The following LPP variants were observed in gnomAD, a reference collection of about 807,000 sequenced individuals.
LPP encodes the protein lipoma-preferred partner.
In LPP, 38 loss-of-function variants were observed where a neutral mutation model predicts 60.4. The observed-to-expected ratio is 0.63, with a 90% CI of 0.49 to 0.83. The LOEUF (loss-of-function observed/expected upper bound fraction) is 0.83. LPP is among the 40% of genes least tolerant of loss of function. The pLI is 0.00. For synonymous variants in LPP, 328 were observed against 290.8 expected (o/e 1.13, Z -1.30); for missense variants, 902 against 783.6 (o/e 1.15, Z -1.80).
intron 9 of LPP, among the ~76,000 whole-genome samples, chr3:188,805,145 A>ATGCATTGTGT (rs1748690690): frequency 6.6e-6 from 1 of 151,846 alleles, no homozygotes; most frequent in Admixed American, 6.6e-5. Context: ...GGTATACTAA[A>ATGCATTGTGT]CTGTGGTTTT....
At chr3:188,231,019 T>G (rs1279199854) in intron 2 of LPP, among the ~76,000 whole-genome samples, 2 of 152,154 alleles carry the variant, frequency 1.3e-5, no homozygotes, top group Non-Finnish European at 2.9e-5. Flanking sequence ...TTTCTTGCCG[T>G]GTAGGGCTCT....
chr3:188,404,238 A>G (rs911770170), intron 3 of LPP, among the ~76,000 whole-genome samples: 3 of 151,674 alleles, frequency 2.0e-5, no homozygotes, highest in Non-Finnish European at 4.4e-5. Flanking sequence ...AGGAAGACAG[A>G]GGTTTATATG....
chr3:188,669,261 A>C (rs76214536), intron 7 of LPP, among the ~76,000 whole-genome samples: 9,184 of 152,052 alleles, frequency 0.06, 902 homozygotes, highest in African/African-American at 0.21. Context: ...CAATGAGATA[A>C]CATCTCACAC....
chr3:188,453,198 G>A (rs890497251), intron 4 of LPP, among the ~76,000 whole-genome samples: 2 of 151,946 alleles, frequency 1.3e-5, no homozygotes, highest in African/African-American at 4.8e-5. Flanking sequence ...CCCCATCTTT[G>A]CCAACCCTGG....
intron 2 of LPP, among the ~76,000 whole-genome samples, chr3:188,297,339 A>G (rs1264524324): frequency 6.6e-6 from 1 of 152,224 alleles, no homozygotes. Flanking sequence ...CTTCCCTCCA[A>G]GATACTGTTT....
At chr3:188,621,951 C>G (rs949820211) in intron 7 of LPP, among the ~76,000 whole-genome samples, 3 of 152,138 alleles carry the variant, frequency 2.0e-5, no homozygotes, top group African/African-American at 7.2e-5. Context: ...GGGATTACAC[C>G]ACTATTTTTT....
Position 188,681,390 on chromosome 3 carries a change from A to G in LPP, c.1114-26877A>G, listed in dbSNP as rs555564363. Among the ~76,000 whole-genome samples the G allele has an allele frequency of 3.7e-4, 57 of 152,290 alleles. No individual in the cohort carries two copies. In the South Asian group the frequency reaches 4.3e-3, roughly 12 times the overall value. On this transcript the variant is annotated intron_variant, in intron 7 of 11. Coordinates refer to ENST00000617246, the MANE Select transcript of LPP (RefSeq NM_001375462.1). ...ACTCTGCCTGGGACAGTGGCTCAAC[A>G]TCTCCAGTCCCCTTTGAGTTACCTC...
At chr3:188,175,427 T>G (rs1221662869) in intron 1 of LPP, among the ~76,000 whole-genome samples, 1 of 152,166 alleles carries the variant, frequency 6.6e-6, no homozygotes, top group African/African-American at 2.4e-5. Flanking sequence ...ACATCTCCCA[T>G]GCTGGCACTG....
At chr3:188,506,861 A>G (rs9823488) in intron 5 of LPP, among the ~76,000 whole-genome samples, 142,016 of 151,578 alleles carry the variant, frequency 0.94, 66,687 homozygotes, top group East Asian at 1. Context: ...GCAGTGGCGC[A>G]ATCTCGGCTC....
intron 8 of LPP, among the ~76,000 whole-genome samples, chr3:188,755,805 G>T (rs2150395120): frequency 3.6e-5 from 2 of 55,284 alleles, no homozygotes; most frequent in Non-Finnish European, 6.1e-5. Flanking sequence ...GTGAGATCCT[G>T]TCACAAAAAA....
At chr3:188,262,086 T>G (rs968293890) in intron 2 of LPP, among the ~76,000 whole-genome samples, 2 of 152,222 alleles carry the variant, frequency 1.3e-5, no homozygotes, top group African/African-American at 4.8e-5. Context: ...ATGCATGGGA[T>G]TCGGCTCTCT....
chr3:188,353,499 A>C (rs984767482), intron 3 of LPP, among the ~76,000 whole-genome samples: 4 of 152,218 alleles, frequency 2.6e-5, no homozygotes, highest in Non-Finnish European at 5.9e-5. Context: ...GAAGAAAAAA[A>C]ATTCAATTGA....
At chr3:188,432,419 A>G (rs1192805103) in intron 4 of LPP, among the ~76,000 whole-genome samples, 3 of 152,200 alleles carry the variant, frequency 2.0e-5, no homozygotes, top group Non-Finnish European at 1.5e-5. Flanking sequence ...ACCCTCCCAG[A>G]AGGACTTCAT....
At position 188,487,860 on chromosome 3, in the gene LPP, C is replaced by T. The variant is rs191990503; in HGVS notation, c.306+3156C>T. Among the ~76,000 whole-genome samples, 5 of 152,196 alleles carry T rather than the reference C, an allele frequency of 3.3e-5. No individual in the cohort carries two copies. In the East Asian group the frequency reaches 9.7e-4, roughly 29 times the overall value. On this transcript the variant is annotated intron_variant, in intron 5 of 11. Transcript: ENST00000617246. ...TTATGCAGAAGACTGTTTATGTTTC[C>T]AGCCAGATTTTCAGGTCAGAGCCAA... is the stretch of plus-strand genomic sequence containing the variant.
intron 6 of LPP, among the ~76,000 whole-genome samples, chr3:188,598,713 T>G (rs1840470201): frequency 6.6e-6 from 1 of 152,158 alleles, no homozygotes. Flanking sequence ...CTCAATGTTC[T>G]AGGATTTTCT....
intron 7 of LPP, among the ~76,000 whole-genome samples, chr3:188,692,468 G>T (rs1862341841): frequency 1.3e-5 from 2 of 152,196 alleles, no homozygotes; most frequent in South Asian, 4.1e-4. Flanking sequence ...GTTCTTGCTA[G>T]ATCTCTGGAT....
At chr3:188,292,564 A>T (rs996680758) in intron 2 of LPP, among the ~76,000 whole-genome samples, 2 of 152,208 alleles carry the variant, frequency 1.3e-5, no homozygotes, top group Non-Finnish European at 2.9e-5. Flanking sequence ...CTTGCTTGGG[A>T]GGTGGGAAGG....
chr3:188,480,533 A>G (rs774938060), intron 4 of LPP, among the ~76,000 whole-genome samples: 13 of 152,226 alleles, frequency 8.5e-5, no homozygotes, highest in Non-Finnish European at 1.5e-4. Context: ...AGGAGTATGG[A>G]GGGACCAGGT....
intron 1 of LPP, among the ~76,000 whole-genome samples, chr3:188,199,715 T>A (rs1332782612): frequency 6.7e-6 from 1 of 149,738 alleles, no homozygotes; most frequent in Non-Finnish European, 1.5e-5. Flanking sequence ...TATTTTGGAT[T>A]TTTTTTTTTT....
Sources: allele counts gnomAD v4.1 joint callset (sites outside exome capture counted in the v4.1 genomes callset), GRCh38; gene constraint gnomAD v4.1.1; transcripts MANE v1.5; gene names NCBI Gene and HGNC (gene_info 2026-07-23, HGNC 2026-07-21).